Variants in TNFAIP8 observed in about 807,000 individuals in gnomAD.
TNFAIP8 encodes the protein tumor necrosis factor alpha-induced protein 8.
In TNFAIP8, 7 loss-of-function variants were observed where a neutral mutation model predicts 13.3. The ratio of observed to expected loss-of-function variants is 0.52; its 90% CI spans 0.30 to 0.99. The LOEUF (loss-of-function observed/expected upper bound fraction) is 0.99, where lower values mean the gene tolerates loss of function less well. TNFAIP8 is among the 50% of genes least tolerant of loss of function. TNFAIP8 has a pLI of 0.07. For missense variants in TNFAIP8, 258 were observed against 236.9 expected (o/e 1.09, Z -0.58); for synonymous variants, 94 against 87.6 (o/e 1.07, Z -0.41).
intron 1 of TNFAIP8, among the ~76,000 whole-genome samples, chr5:119,386,653 C>G (rs1752687673): frequency 6.6e-6 from 1 of 152,160 alleles, no homozygotes; most frequent in African/African-American, 2.4e-5. Context: ...GAGTGAATGA[C>G]TTAGCTTGCC....
intron 1 of TNFAIP8, among the ~76,000 whole-genome samples, chr5:119,362,950 G>A (rs996725017): frequency 2.4e-4 from 36 of 152,216 alleles, no homozygotes; most frequent in African/African-American, 8.7e-4. Flanking sequence ...AAGAAAGTGT[G>A]AGAGTAGCCA....
At chr5:119,350,876 C>G (rs1751100126) in intron 1 of TNFAIP8, among the ~76,000 whole-genome samples, 1 of 152,168 alleles carries the variant, frequency 6.6e-6, no homozygotes, top group African/African-American at 2.4e-5. Context: ...GGTTCTGCCC[C>G]AGCCCACATC....
intron 1 of TNFAIP8, among the ~76,000 whole-genome samples, chr5:119,385,796 T>G (rs760491095): frequency 1.1e-4 from 17 of 152,234 alleles, no homozygotes; most frequent in Non-Finnish European, 1.9e-4. Flanking sequence ...TGTGATTCTG[T>G]ACTAAAGAGC....
At chr5:119,370,860 G>C (rs1306870177) in intron 1 of TNFAIP8, among the ~76,000 whole-genome samples, 2 of 152,226 alleles carry the variant, frequency 1.3e-5, no homozygotes, top group African/African-American at 4.8e-5. Flanking sequence ...AGAGAGCTGG[G>C]AGATTATTAA....
At chr5:119,292,223 C>G (rs74386727) in intron 1 of TNFAIP8, among the ~76,000 whole-genome samples, 1 of 151,740 alleles carries the variant, frequency 6.6e-6, no homozygotes, top group African/African-American at 2.4e-5. Context: ...CAGCTCTGGC[C>G]CAAGGAGAAG....
intron 1 of TNFAIP8, among the ~76,000 whole-genome samples, chr5:119,271,059 C>T (rs182260184): frequency 1.3e-5 from 2 of 152,268 alleles, no homozygotes; most frequent in East Asian, 1.9e-4. Flanking sequence ...TCTTTGTTTA[C>T]GTGTTGAGCT....
At chr5:119,355,396 AG>A (rs1377014198), upstream of TNFAIP8, 2 of 702,092 alleles carry the variant, frequency 2.8e-6, no homozygotes, top group Non-Finnish European at 5.2e-6. Context: ...TGCAAAGGTA[AG>A]GGTGGAGGCC....
At chr5:119,388,943 C>T (rs1292530228) in intron 1 of TNFAIP8, among the ~76,000 whole-genome samples, 1 of 152,020 alleles carries the variant, frequency 6.6e-6, no homozygotes, top group Non-Finnish European at 1.5e-5. Flanking sequence ...TGCGCCCGGC[C>T]CCATTTGCAA....
At chr5:119,371,222 T>A (rs952880779) in intron 1 of TNFAIP8, among the ~76,000 whole-genome samples, 1 of 152,190 alleles carries the variant, frequency 6.6e-6, no homozygotes, top group Admixed American at 6.5e-5. Flanking sequence ...ATACCCTGCA[T>A]TGGACTGTGC....
chr5:119,361,325 G>A (rs1295887030), intron 1 of TNFAIP8, among the ~76,000 whole-genome samples: 1 of 152,236 alleles, frequency 6.6e-6, no homozygotes, highest in Non-Finnish European at 1.5e-5. Context: ...GTACAGGGAT[G>A]TAGTATGTCC....
intron 1 of TNFAIP8, among the ~76,000 whole-genome samples, chr5:119,361,600 G>A (rs956780186): frequency 6.6e-6 from 1 of 152,186 alleles, no homozygotes; most frequent in Non-Finnish European, 1.5e-5. Flanking sequence ...AATTCCCTAC[G>A]TGGCTCTGAT....
intron 1 of TNFAIP8, among the ~76,000 whole-genome samples, chr5:119,331,295 T>G (rs1401132149): frequency 6.6e-6 from 1 of 152,094 alleles, no homozygotes. Flanking sequence ...CACAAATACT[T>G]ACTTGAGAAT....
chr5:119,343,124 C>T (rs1750794646), intron 1 of TNFAIP8, among the ~76,000 whole-genome samples: 2 of 151,820 alleles, frequency 1.3e-5, no homozygotes. Context: ...GTTCCTAAAG[C>T]AATTGTGGTG....
intron 1 of TNFAIP8, among the ~76,000 whole-genome samples, chr5:119,282,356 A>G (rs1425081637): frequency 1.3e-5 from 2 of 151,946 alleles, no homozygotes; most frequent in Admixed American, 6.6e-5. Flanking sequence ...TCTTTTTCTT[A>G]TTAGCCTGTT....
intron 1 of TNFAIP8, among the ~76,000 whole-genome samples, chr5:119,303,081 C>G (rs1437383551): frequency 1.3e-5 from 2 of 152,114 alleles, no homozygotes; most frequent in Non-Finnish European, 2.9e-5. Context: ...GCCTAGTGCC[C>G]TGAAAAAACC....
intron 1 of TNFAIP8, among the ~76,000 whole-genome samples, chr5:119,326,522 C>T (rs918653690): frequency 1.3e-5 from 2 of 152,198 alleles, no homozygotes; most frequent in African/African-American, 4.8e-5. Flanking sequence ...GACTCATGGA[C>T]TCAGACCCCT....
intron 1 of TNFAIP8, among the ~76,000 whole-genome samples, chr5:119,358,948 C>A (rs1751536796): frequency 6.6e-6 from 1 of 152,064 alleles, no homozygotes; most frequent in African/African-American, 2.4e-5. Context: ...CCTCCATTGC[C>A]CATAGTAGCC....
chr5:119,316,466 C>CT (rs1456455381), intron 1 of TNFAIP8, among the ~76,000 whole-genome samples: 3 of 152,310 alleles, frequency 2.0e-5, no homozygotes, highest in Admixed American at 1.3e-4. Flanking sequence ...GCCTTCTCCA[C>CT]TTCTTTCTAT....
intron 1 of TNFAIP8, among the ~76,000 whole-genome samples, chr5:119,361,565 G>A (rs1751635961): frequency 6.6e-6 from 1 of 152,210 alleles, no homozygotes; most frequent in South Asian, 2.1e-4. Flanking sequence ...CTAAGAAGGT[G>A]ATGAAGCAAA....
Sources: allele counts gnomAD v4.1 joint callset (sites outside exome capture counted in the v4.1 genomes callset), GRCh38; gene constraint gnomAD v4.1.1; transcripts MANE v1.5; gene names NCBI Gene and HGNC (gene_info 2026-07-23, HGNC 2026-07-21).